Variants in CCNC observed in about 807,000 individuals in gnomAD.
CCNC encodes cyclin-C.
A neutral mutation model predicts 50.0 loss-of-function variants in CCNC; 19 were observed. The observed-to-expected ratio is 0.38, with a 90% CI of 0.27 to 0.56. The LOEUF (loss-of-function observed/expected upper bound fraction) is 0.56, where lower values mean the gene tolerates loss of function less well. CCNC is among the 20% of genes least tolerant of loss of function. CCNC has a pLI of 0.72. For missense variants in CCNC, 200 were observed against 327.1 expected, an observed-to-expected ratio of 0.61 and a Z score of 3.00; for synonymous variants, 93 against 103.7, an observed-to-expected ratio of 0.90 and a Z score of 0.63.
intron 1 of CCNC, 114 bp from the exon 2 acceptor site, chr6:99,563,062 C>T (rs1035604459): frequency 4.7e-6 from 3 of 640,660 alleles, no homozygotes; most frequent in Non-Finnish European, 8.1e-6. Flanking sequence ...ACCTTAAAGA[C>T]AATTATTTCT....
Position 99,546,407 on chromosome 6 carries a change from C to G in CCNC, c.666G>C (p.Val222=). The G allele has an allele frequency of 6.2e-7, 1 of 1,610,664 alleles. No homozygotes were observed. The highest frequency in any genetic ancestry group is 8.5e-7 in the Non-Finnish European group (1 of 1,177,040). Residue 222 remains valine, a synonymous_variant, in exon 10 of 12, where the codon GTG becomes GTC. Coordinates refer to ENST00000520429, the MANE Select transcript of CCNC (RefSeq NM_005190.4). ...ACTAAGGGAATACCTTTTCCATATC[C>G]ACAGAAAGCTCAGCAAACCATTGCC... ...DARQWFAELS[V]DMEKILEIIR... is the part of the protein sequence containing the mutation.
At position 99,550,213 on chromosome 6, in the gene CCNC, A is replaced by C. The variant is rs949280372; in HGVS notation, c.530+5T>G. The C allele has an allele frequency of 6.3e-7, 1 of 1,599,096 alleles. No homozygotes were observed. Among genetic ancestry groups the C allele is most frequent in the African/African-American group, 1.3e-5 (1 of 74,514 alleles). On this transcript the variant is annotated splice_donor_5th_base_variant and intron_variant, in intron 8 of 11. Coordinates refer to ENST00000520429, the MANE Select transcript of CCNC (RefSeq NM_005190.4). The stretch of plus-strand genomic sequence containing the variant: ...TACACTATTAATAACTTCTGTTCTA[A>C]TTACCATGCAAGGGGAAGCAACATG...
chr6:99,560,553 G>A (rs1802735275), intron 4 of CCNC, among the ~76,000 whole-genome samples: 1 of 152,052 alleles, frequency 6.6e-6, no homozygotes, highest in African/African-American at 2.4e-5. Flanking sequence ...AGAACTCTAA[G>A]ACATTATCCA....
chr6:99,546,631 T>C (rs1802082406), intron 9 of CCNC, among the ~76,000 whole-genome samples, 157 bp from the exon 10 acceptor site: 1 of 152,226 alleles, frequency 6.6e-6, no homozygotes, highest in Non-Finnish European at 1.5e-5. Flanking sequence ...ATCTCATCAA[T>C]GTAATCCGAG....
intron 1 of CCNC, chr6:99,567,151 A>G (rs1424152817): frequency 5.1e-6 from 1 of 197,802 alleles, no homozygotes; most frequent in African/African-American, 2.4e-5. Flanking sequence ...AAATGAAAGC[A>G]TAATGAGAAC....
rs560206941 is a variant in CCNC, at chr6:99,559,880, C to T, written c.295-1332G>A. ...GATTACAGGCATCTGCCACCACATCCGGCTAATTTTTGTATTTTTAGTAGA... is the reference window on the plus strand; with the variant it reads ...GATTACAGGCATCTGCCACCACATCTGGCTAATTTTTGTATTTTTAGTAGA... On this transcript the variant is annotated intron_variant, in intron 4 of 11. Coordinates refer to ENST00000520429, the MANE Select transcript of CCNC (RefSeq NM_005190.4). Among the ~76,000 whole-genome samples, 18 of 152,014 alleles carry T rather than the reference C, an allele frequency of 1.2e-4. No homozygotes were observed. In the South Asian group the frequency reaches 1.5e-3, roughly 12 times the overall value.
chr6:99,561,813 C>T, intron 2 of CCNC, 132 bp from the exon 3 acceptor site: 1 of 582,262 alleles, frequency 1.7e-6, no homozygotes, highest in Non-Finnish European at 3.1e-6. Flanking sequence ...TACACATGCT[C>T]TATGTGAGTC....
chr6:99,562,862 A>G lies in CCNC; in HGVS notation c.119T>C (p.Leu40Ser). Residue 40 changes from leucine (L) to serine (S), a missense_variant, in exon 2 of 12, where the codon TTA (leucine) becomes TCA (serine). By Grantham distance (145) the Leu-to-Ser change is moderately radical. Transcript: ENST00000520429. ...KFLSEEEYWK[L>S]QIFFTNVIQA... ...TTTACCATTTGTAAAAAATATTTGT[A>G]ACTTCCAATATTCTTCCTCTGAGAG... The G allele has an allele frequency of 6.3e-7, 1 of 1,591,840 alleles. No homozygotes were observed.
chr6:99,552,389 T>A (rs1802335883), intron 5 of CCNC, among the ~76,000 whole-genome samples: 1 of 152,140 alleles, frequency 6.6e-6, no homozygotes, highest in Admixed American at 6.5e-5. Flanking sequence ...CTTTCTAAAC[T>A]TTTTACAATG....
rs902773612 is a variant in CCNC, at chr6:99,543,225, T to A, written c.*330A>T. On this transcript the variant is annotated 3_prime_UTR_variant, in exon 12 of 12. Coordinates refer to ENST00000520429, the MANE Select transcript of CCNC (RefSeq NM_005190.4). ...AGAATTTTAAACAAATTATGCTTCA[T>A]GTTTCCTGGCTTAATAAAAAGCTAC... 60 of 173,548 alleles carry A rather than the reference T, an allele frequency of 3.5e-4. No individual in the cohort carries two copies. The highest frequency in any genetic ancestry group is 1.9e-3 in the Admixed American group (30 of 15,950). 10.8% of individuals were successfully genotyped at this position (173,548 alleles called of 1,614,324 possible).
rs780791977 is a variant in CCNC, at chr6:99,558,511, G to A, written c.332C>T (p.Ala111Val). Residue 111 changes from alanine to valine, a missense_variant, in exon 5 of 12, where the codon GCT becomes GTT. Ala to Val is a moderately conservative substitution (Grantham distance 64). Coordinates refer to ENST00000520429, the MANE Select transcript of CCNC (RefSeq NM_005190.4). ...TTTGCACTTACATACAGAAGTAGCA[G>A]CAGCAATCAATCTTGTATTTGAAAC... ...GVVSNTRLIA[A>V]ATSVLKTRFS... The A allele has an allele frequency of 6.2e-7, 1 of 1,609,180 alleles. No homozygotes were observed. Among genetic ancestry groups the A allele is most frequent in the African/African-American group, 1.3e-5 (1 of 74,580 alleles).
At chr6:99,543,968 T>G in intron 11 of CCNC, 1 of 1,209,868 alleles carries the variant, frequency 8.3e-7, no homozygotes, top group South Asian at 2.6e-5. Context: ...AAATCTTACA[T>G]ATAAAATCCT....
At chr6:99,562,365 C>T (rs1186267183) in intron 2 of CCNC, 2 of 152,080 alleles carry the variant, frequency 1.3e-5, no homozygotes, top group African/African-American at 4.8e-5. Flanking sequence ...ACATAAAAAT[C>T]CATAACGAAT....
chr6:99,558,425 A>AAAAAAAATCT, intron 5 of CCNC, 72 bp downstream of exon 5: 1 of 1,570,938 alleles, frequency 6.4e-7, no homozygotes, highest in Non-Finnish European at 8.6e-7. Flanking sequence ...AAACTAAAAA[A>AAAAAAAATCT]AAAAAAATCT....
At position 99,549,438 on chromosome 6, in the gene CCNC, A is replaced by T. The variant is rs780225302; in HGVS notation, c.598+70T>A. 8 of 1,021,544 alleles carry T rather than the reference A, an allele frequency of 7.8e-6. No individual in the cohort carries two copies. The East Asian group carries it at 1.9e-4, about 25-fold the overall frequency. 63.3% of individuals were successfully genotyped at this position (1,021,544 alleles called of 1,614,324 possible). A position where few individuals can be genotyped will look rare whatever the true frequency, so the allele number is the denominator to read the frequency against. ...AAAAACATAAAGTACAATAGGGTGAAATTTAGTTTAGGATGACCTAAATAA... is the reference window on the plus strand; with the variant it reads ...AAAAACATAAAGTACAATAGGGTGATATTTAGTTTAGGATGACCTAAATAA... On this transcript the variant is annotated intron_variant, in intron 9 of 11. Transcript: ENST00000520429.
intron 5 of CCNC, 152 bp downstream of exon 5, chr6:99,558,345 T>G: frequency 8.7e-7 from 1 of 1,148,568 alleles, no homozygotes. Context: ...TTGATTTTTT[T>G]GCCAGATACA....
intron 9 of CCNC, among the ~76,000 whole-genome samples, chr6:99,547,554 C>T (rs1288683942): frequency 6.6e-6 from 1 of 152,064 alleles, no homozygotes; most frequent in African/African-American, 2.4e-5. Context: ...ATTTGGCTAG[C>T]TCCGGGTTTC....
At chr6:99,549,795 T>C in intron 8 of CCNC, 1 of 413,190 alleles carries the variant, frequency 2.4e-6, no homozygotes, top group African/African-American at 2.0e-5. Context: ...CAGCTAAATA[T>C]ATTTTAAATT....
rs753873535 is a variant in CCNC at position 99,568,560 on chromosome 6, G to C, written c.-33C>G. The C allele has an allele frequency of 6.2e-7, 1 of 1,607,554 alleles. No homozygotes were observed. ...AGCTTGCCCTGATAAAAAAGCACCA[G>C]CCGGCGGAGCGGCCCGCGGAGCGAC... is the stretch of plus-strand genomic sequence containing the variant. On this transcript the variant is annotated 5_prime_UTR_variant, in exon 1 of 12. Coordinates refer to ENST00000520429, the MANE Select transcript of CCNC (RefSeq NM_005190.4).
Sources: allele counts gnomAD v4.1 joint callset (sites outside exome capture counted in the v4.1 genomes callset), GRCh38; gene constraint gnomAD v4.1.1; transcripts MANE v1.5; gene names NCBI Gene and HGNC (gene_info 2026-07-23, HGNC 2026-07-21).